The following SPATA9 variants were observed in gnomAD, a reference collection of about 807,000 sequenced individuals.
SPATA9 encodes the protein spermatogenesis associated 9.
In SPATA9, 27 loss-of-function variants were observed where a neutral mutation model predicts 25.5. That is an observed-to-expected ratio of 1.06 (90% CI 0.78 to 1.46). SPATA9 has a LOEUF of 1.46. SPATA9 is among the 40% of genes most tolerant of loss of function. SPATA9 has a pLI of 0.00. For synonymous variants in SPATA9, 102 were observed against 105.7 expected (o/e 0.97, Z 0.21); for missense variants, 282 against 297.5 (o/e 0.95, Z 0.38).
chr5:95,707,045 C>G, the SPATA9 span, among the ~76,000 whole-genome samples: 1 of 152,110 alleles, frequency 6.6e-6, no homozygotes, highest in Non-Finnish European at 1.5e-5. Context: ...GATAGAAAAG[C>G]ATTTTTTAGT....
At chr5:95,665,113 A>G (rs909372844) in intron 3 of SPATA9, among the ~76,000 whole-genome samples, 3 of 152,178 alleles carry the variant, frequency 2.0e-5, no homozygotes, top group African/African-American at 2.4e-5. Context: ...AAGGAGTACA[A>G]TTTGATGTTC....
intron 1 of SPATA9, among the ~76,000 whole-genome samples, chr5:95,688,072 AC>A (rs1413120463): frequency 6.6e-6 from 1 of 152,202 alleles, no homozygotes; most frequent in Non-Finnish European, 1.5e-5. Flanking sequence ...CCATGTGTCC[AC>A]CCAAAGAAAA....
chr5:95,720,058 C>T, the SPATA9 span, among the ~76,000 whole-genome samples: 6 of 152,136 alleles, frequency 3.9e-5, no homozygotes, highest in Non-Finnish European at 7.4e-5. Context: ...CTTTAATAGT[C>T]GAGAGTCTCA....
the SPATA9 span, among the ~76,000 whole-genome samples, chr5:95,707,885 C>T: frequency 6.6e-6 from 1 of 152,320 alleles, no homozygotes; most frequent in East Asian, 1.9e-4. Flanking sequence ...TTGGGCATTA[C>T]ATTCCCCACT....
chr5:95,675,239 G>GA (rs1752812485), intron 3 of SPATA9, among the ~76,000 whole-genome samples, 173 bp downstream of exon 3: 1 of 152,122 alleles, frequency 6.6e-6, no homozygotes, highest in Non-Finnish European at 1.5e-5. Flanking sequence ...CAATAAGGTA[G>GA]AAAAAAGTCC....
intron 3 of SPATA9, chr5:95,670,510 G>A (rs1752270506): frequency 6.6e-6 from 1 of 152,186 alleles, no homozygotes; most frequent in Non-Finnish European, 1.5e-5. Flanking sequence ...CTTCAGGTAA[G>A]TTAACCAGGC....
At chr5:95,730,265 A>G in the SPATA9 span, among the ~76,000 whole-genome samples, 1 of 152,192 alleles carries the variant, frequency 6.6e-6, no homozygotes, top group Admixed American at 6.5e-5. Context: ...CTCAGCTGAG[A>G]AAAGAAACAG....
intron 3 of SPATA9, among the ~76,000 whole-genome samples, chr5:95,671,725 A>G (rs1290559242): frequency 6.6e-6 from 1 of 152,160 alleles, no homozygotes; most frequent in East Asian, 1.9e-4. Flanking sequence ...TGTTGAATAA[A>G]TAAAAATGTA....
downstream of SPATA9, among the ~76,000 whole-genome samples, chr5:95,653,622 G>C (rs559019749): frequency 1.3e-5 from 2 of 152,294 alleles, no homozygotes; most frequent in South Asian, 4.1e-4. Flanking sequence ...TTTATGGCCG[G>C]GCGCAGTGGC....
At chr5:95,670,679 G>A (rs139897144) in intron 3 of SPATA9, among the ~76,000 whole-genome samples, 212 of 152,270 alleles carry the variant, frequency 1.4e-3, no homozygotes, top group African/African-American at 5.0e-3. Flanking sequence ...AGGAATTCAT[G>A]CTGGAATCCA....
At chr5:95,720,554 T>G in the SPATA9 span, among the ~76,000 whole-genome samples, 1 of 152,350 alleles carries the variant, frequency 6.6e-6, no homozygotes. Flanking sequence ...AGTAACAGAC[T>G]GTTCCATTTC....
At chr5:95,676,645 C>G (rs1752974207) in intron 2 of SPATA9, among the ~76,000 whole-genome samples, 1 of 152,186 alleles carries the variant, frequency 6.6e-6, no homozygotes, top group Non-Finnish European at 1.5e-5. Context: ...ACCCCCAGTA[C>G]AGCACCCAGT....
At chr5:95,663,872 AGT>A in intron 4 of SPATA9, 79 bp downstream of exon 4, 1 of 645,146 alleles carries the variant, frequency 1.6e-6, no homozygotes, top group South Asian at 4.6e-5. Context: ...AATATTGTAC[AGT>A]ATACTATTGC....
intron 2 of SPATA9, among the ~76,000 whole-genome samples, chr5:95,676,264 T>A (rs1002411864): frequency 1.3e-5 from 2 of 152,236 alleles, no homozygotes; most frequent in Admixed American, 6.5e-5. Context: ...AATTATTTTT[T>A]AATTTAAATA....
chr5:95,700,615 A>G (rs1754157221), upstream of SPATA9, among the ~76,000 whole-genome samples: 1 of 151,816 alleles, frequency 6.6e-6, no homozygotes, highest in Non-Finnish European at 1.5e-5. Context: ...TTTTTTAGAG[A>G]TGGGATTTTG....
At position 95,658,933 on chromosome 5, in the gene SPATA9, T is replaced by C. The variant is rs1375980244; in HGVS notation, c.475-20A>G. On this transcript the variant is annotated intron_variant, in intron 4 of 4. Transcript: ENST00000274432. ...GACTGCCTATACAATAAAAAGAGTT[T>C]GTAAAGTGAAGTTTCTTTTTAAGCT... The C allele has an allele frequency of 6.4e-7, 1 of 1,563,264 alleles. No individual in the cohort carries two copies. The highest frequency in any genetic ancestry group is 2.1e-5 in the Admixed American group (1 of 48,600).
the SPATA9 span, among the ~76,000 whole-genome samples, chr5:95,715,844 A>G: frequency 6.6e-6 from 1 of 152,236 alleles, no homozygotes; most frequent in African/African-American, 2.4e-5. Context: ...AAAAACTAAA[A>G]TCTAGAATAC....
Position 95,675,424 on chromosome 5 carries a change from T to C in SPATA9, c.366A>G (p.Leu122=), listed in dbSNP as rs1269142549. The change falls in exon 3 of 5, where the codon CTA becomes CTG. Residue 122 remains leucine (L), a synonymous_variant. Transcript: ENST00000274432. Reference sequence around the variant, plus strand: ...AGTATTCCCTTACCTGAATGTTATATAGGGGTTGCCTCGGCGCATTAACTT... The same window carrying C: ...AGTATTCCCTTACCTGAATGTTATACAGGGGTTGCCTCGGCGCATTAACTT... The part of the protein sequence containing the change: ...LREVNAPRQP[L]YNIQVRKGSL... 6.2e-7 allele frequency: 1 copy of C among 1,613,850 alleles called. No individual in the cohort carries two copies. Among genetic ancestry groups the C allele is most frequent in the Non-Finnish European group, 8.5e-7 (1 of 1,179,774 alleles).
At chr5:95,719,990 C>T in the SPATA9 span, among the ~76,000 whole-genome samples, 1 of 152,136 alleles carries the variant, frequency 6.6e-6, no homozygotes, top group Non-Finnish European at 1.5e-5. Flanking sequence ...ATGGGCTTCC[C>T]ATGTAGACTT....
Sources: gnomAD v4.1 joint callset for allele counts (sites outside exome capture counted in the v4.1 genomes callset) on GRCh38, gnomAD v4.1.1 for gene constraint, MANE v1.5 for transcripts, NCBI Gene and HGNC (gene_info 2026-07-23, HGNC 2026-07-21) for gene names.